DHRSX: variants seen among roughly 807,000 people sequenced by gnomAD.
DHRSX encodes dehydrogenase/reductase X-linked.
In DHRSX, 31 loss-of-function variants were observed where a neutral mutation model predicts 34.0. That is an observed-to-expected ratio of 0.91 (90% CI 0.69 to 1.23). The LOEUF (loss-of-function observed/expected upper bound fraction) is 1.23, where lower values mean the gene tolerates loss of function less well. Among genes scored for constraint, DHRSX ranks in the 50% most tolerant of loss-of-function variants. The pLI, the probability that DHRSX is intolerant of heterozygous loss-of-function variation, is 0.00. For missense variants in DHRSX, 414 were observed against 428.1 expected (o/e 0.97, Z 0.29); for synonymous variants, 201 against 183.8 (o/e 1.09, Z -0.76).
At chrX:2,254,904 T>C (rs1365038489) in intron 5 of DHRSX, among the ~76,000 whole-genome samples, 1 of 151,146 alleles carries the variant, frequency 6.6e-6, no homozygotes, top group Non-Finnish European at 1.5e-5. Context: ...AGGCCTCCCA[T>C]AGTGGTGGGA....
At chrX:2,462,653 G>A (rs982017422) in intron 1 of DHRSX, among the ~76,000 whole-genome samples, 8 of 152,124 alleles carry the variant, frequency 5.3e-5, no homozygotes, top group African/African-American at 1.9e-4. Flanking sequence ...AACAGGAAAG[G>A]TGGGCTTCCC....
At chrX:2,230,724 G>A (rs1298628435) in intron 6 of DHRSX, among the ~76,000 whole-genome samples, 13 of 152,118 alleles carry the variant, frequency 8.5e-5, no homozygotes, top group Non-Finnish European at 2.9e-5. Flanking sequence ...CTGTGACAGG[G>A]CAATCCTGCC....
At chrX:2,311,264 G>C (rs1949850351) in intron 3 of DHRSX, among the ~76,000 whole-genome samples, 2 of 152,024 alleles carry the variant, frequency 1.3e-5, no homozygotes. Flanking sequence ...GAGAAAGAGA[G>C]AGATGGGGAG....
intron 4 of DHRSX, among the ~76,000 whole-genome samples, chrX:2,273,037 C>T (rs751869726): frequency 6.6e-6 from 1 of 152,242 alleles, no homozygotes; most frequent in South Asian, 2.1e-4. Flanking sequence ...CTTTGGGAGA[C>T]CAAGGCGGGC....
intron 4 of DHRSX, 107 bp downstream of exon 4, chrX:2,291,395 T>C (rs2041863437): frequency 1.2e-6 from 1 of 840,494 alleles, no homozygotes; most frequent in African/African-American, 1.7e-5. Flanking sequence ...GTTCAATAAT[T>C]CCCATGGATA....
intron 5 of DHRSX, among the ~76,000 whole-genome samples, chrX:2,248,613 C>CAAAAAAA (rs1357827255): frequency 0.045 from 783 of 17,390 alleles, 61 homozygotes; most frequent in African/African-American, 0.1. Flanking sequence ...GACTCTGTCT[C>CAAAAAAA]AAAAAAAAAA....
chrX:2,273,013 C>T (rs919549520), intron 4 of DHRSX, among the ~76,000 whole-genome samples: 6 of 152,198 alleles, frequency 3.9e-5, no homozygotes, highest in African/African-American at 1.4e-4. Flanking sequence ...TGGCTCACGC[C>T]TGTCATCCCA....
chrX:2,329,574 A>G (rs1238095267), intron 3 of DHRSX, among the ~76,000 whole-genome samples: 1 of 152,132 alleles, frequency 6.6e-6, no homozygotes, highest in Non-Finnish European at 1.5e-5. Flanking sequence ...CTAGGCATAG[A>G]TATTTTCCTG....
At chrX:2,287,677 A>G (rs930487273) in intron 4 of DHRSX, among the ~76,000 whole-genome samples, 4 of 152,230 alleles carry the variant, frequency 2.6e-5, no homozygotes, top group African/African-American at 9.6e-5. Context: ...TGGAAGCCGA[A>G]CAATGGCCCC....
rs764923016 is a variant in DHRSX at position 2,495,648 on chromosome X, C to CCCTCCTTCCTCCTTCCTCCTTCCTCCTT, written c.109+5168_109+5169insAAGGAGGAAGGAGGAAGGAGGAAGGAGG. Among the ~76,000 whole-genome samples the CCCTCCTTCCTCCTTCCTCCTTCCTCCTT allele has an allele frequency of 3.9e-3, 597 of 152,086 alleles. 13 individuals carry two copies. In the East Asian group the frequency reaches 0.04, roughly 10 times the overall value. On this transcript the variant is annotated intron_variant, in intron 1 of 6. Transcript: ENST00000334651. ...CAGAGCTGACCTTCTGCAGTGAGTACCCTCCTTCCTCCTTCCTCCTCCCTT... is the reference window on the plus strand; with the variant it reads ...CAGAGCTGACCTTCTGCAGTGAGTACCCTCCTTCCTCCTTCCTCCTTCCTCCTTCCTCCTTCCTCCTTCCTCCTCCCTT...
intron 1 of DHRSX, among the ~76,000 whole-genome samples, chrX:2,499,657 A>G (rs2045364664): frequency 6.6e-6 from 1 of 152,176 alleles, no homozygotes; most frequent in South Asian, 2.1e-4. Context: ...CTGTAAACCC[A>G]GCACTTTGGG....
chrX:2,452,552 A>G (rs2044238294), intron 1 of DHRSX, among the ~76,000 whole-genome samples: 1 of 151,834 alleles, frequency 6.6e-6, no homozygotes, highest in Admixed American at 6.6e-5. Flanking sequence ...AATGTGGCCA[A>G]GAGACCACCA....
chrX:2,499,972 G>C (rs1310579204), intron 1 of DHRSX, among the ~76,000 whole-genome samples: 4 of 152,166 alleles, frequency 2.6e-5, no homozygotes, highest in Non-Finnish European at 4.4e-5. Flanking sequence ...GAGCCCAGGA[G>C]TTCGAGAGTA....
At chrX:2,479,624 C>T (rs1277473961) in intron 1 of DHRSX, among the ~76,000 whole-genome samples, 4 of 146,132 alleles carry the variant, frequency 2.7e-5, no homozygotes, top group African/African-American at 5.1e-5. Flanking sequence ...CCCAAGGGAC[C>T]ACTGCCCTGT....
intron 1 of DHRSX, among the ~76,000 whole-genome samples, chrX:2,442,507 T>C (rs1230419358): frequency 6.6e-6 from 1 of 151,776 alleles, no homozygotes; most frequent in East Asian, 1.9e-4. Flanking sequence ...CAGGTATGGA[T>C]AATAAAGCCC....
intron 1 of DHRSX, among the ~76,000 whole-genome samples, chrX:2,457,017 GC>G (rs1177764604): frequency 2.0e-5 from 3 of 152,128 alleles, no homozygotes; most frequent in African/African-American, 7.2e-5. Context: ...GCAGAGAGGA[GC>G]AGGCTGGCTG....
chrX:2,444,153 G>A (rs1431611122), intron 1 of DHRSX, among the ~76,000 whole-genome samples: 2 of 152,020 alleles, frequency 1.3e-5, no homozygotes, highest in Non-Finnish European at 2.9e-5. Context: ...CCCTCAGTAG[G>A]CTGCTACTGT....
intron 5 of DHRSX, among the ~76,000 whole-genome samples, chrX:2,264,758 G>A (rs1416667097): frequency 1.3e-5 from 2 of 150,334 alleles, no homozygotes; most frequent in African/African-American, 4.9e-5. Flanking sequence ...AGGGAGTACC[G>A]TGCCCAGAGC....
At chrX:2,337,188 C>A (rs1240153572) in intron 3 of DHRSX, among the ~76,000 whole-genome samples, 1 of 152,092 alleles carries the variant, frequency 6.6e-6, no homozygotes, top group Non-Finnish European at 1.5e-5. Flanking sequence ...CCCCAAACAC[C>A]GTGAATGTGA....
Sources: allele counts gnomAD v4.1 joint callset (sites outside exome capture counted in the v4.1 genomes callset), GRCh38; gene constraint gnomAD v4.1.1; transcripts MANE v1.5; gene names NCBI Gene and HGNC (gene_info 2026-07-23, HGNC 2026-07-21).